SEMA6D: variants seen among roughly 807,000 people sequenced by gnomAD.
SEMA6D encodes the protein semaphorin-6D.
Under a neutral mutation model 106.6 loss-of-function variants are expected in SEMA6D, and 35 were observed. That is an observed-to-expected ratio of 0.33 (90% CI 0.25 to 0.44). The LOEUF (loss-of-function observed/expected upper bound fraction) is 0.44. SEMA6D is among the 20% of genes least tolerant of loss of function. The pLI, the probability that SEMA6D is intolerant of heterozygous loss-of-function variation, is 1.00. For synonymous variants in SEMA6D, 499 were observed against 487.7 expected, an observed-to-expected ratio of 1.02 and a Z score of -0.31; for missense variants, 1,185 against 1,345.9, an observed-to-expected ratio of 0.88 and a Z score of 1.87.
chr15:47,707,816 GCCAAC>G (rs2078941715), intron 4 of SEMA6D, among the ~76,000 whole-genome samples: 1 of 152,128 alleles, frequency 6.6e-6, no homozygotes, highest in Admixed American at 6.6e-5. Context: ...TGGACACCAT[GCCAAC>G]CCTTTAAACT....
At chr15:47,609,146 A>G (rs1157495531) in intron 4 of SEMA6D, among the ~76,000 whole-genome samples, 1 of 152,208 alleles carries the variant, frequency 6.6e-6, no homozygotes, top group African/African-American at 2.4e-5. Flanking sequence ...GTGCCATAAC[A>G]CGGATTGTGT....
intron 1 of SEMA6D, among the ~76,000 whole-genome samples, chr15:47,186,877 G>C (rs1893610734): frequency 1.3e-5 from 2 of 152,152 alleles, no homozygotes; most frequent in Non-Finnish European, 2.9e-5. Flanking sequence ...GCAAAGAACA[G>C]AACTTAATTA....
intron 1 of SEMA6D, among the ~76,000 whole-genome samples, chr15:47,343,296 T>G (rs2037901905): frequency 7.3e-6 from 1 of 137,184 alleles, no homozygotes; most frequent in Admixed American, 7.1e-5. Context: ...AGGGTACATA[T>G]GCACCATGTG....
intron 1 of SEMA6D, among the ~76,000 whole-genome samples, chr15:47,222,280 G>A (rs1329686555): frequency 1.3e-5 from 2 of 152,200 alleles, no homozygotes; most frequent in African/African-American, 4.8e-5. Context: ...CAGTCATGGA[G>A]CTATCTGGTC....
At chr15:47,317,531 C>T (rs992974006) in intron 1 of SEMA6D, among the ~76,000 whole-genome samples, 1 of 152,154 alleles carries the variant, frequency 6.6e-6, no homozygotes, top group African/African-American at 2.4e-5. Context: ...TTTAGCATTT[C>T]TTACAAGGCA....
At chr15:47,227,569 TCACACACACACACA>T (rs1555407289) in intron 1 of SEMA6D, among the ~76,000 whole-genome samples, 1 of 127,900 alleles carries the variant, frequency 7.8e-6, no homozygotes, top group Non-Finnish European at 1.6e-5. Context: ...TCTCTCTCTC[TCACACACACACACA>T]CACACACACA....
At chr15:47,482,338 G>A (rs1053704780) in intron 3 of SEMA6D, among the ~76,000 whole-genome samples, 5 of 152,078 alleles carry the variant, frequency 3.3e-5, no homozygotes, top group Non-Finnish European at 4.4e-5. Context: ...ATGAGCTGAT[G>A]AGGCATTAAT....
At chr15:47,291,860 C>A (rs192264428) in intron 1 of SEMA6D, among the ~76,000 whole-genome samples, 218 of 152,192 alleles carry the variant, frequency 1.4e-3, no homozygotes, top group African/African-American at 4.9e-3. Flanking sequence ...TTCTTTATTT[C>A]TCTGTCTCTG....
At chr15:47,306,747 C>A (rs1398558659) in intron 1 of SEMA6D, among the ~76,000 whole-genome samples, 1 of 152,186 alleles carries the variant, frequency 6.6e-6, no homozygotes, top group African/African-American at 2.4e-5. Context: ...TATATTGATA[C>A]AAATAAACAA....
chr15:47,283,250 A>G (rs1480370138), intron 1 of SEMA6D, among the ~76,000 whole-genome samples: 1 of 152,138 alleles, frequency 6.6e-6, no homozygotes, highest in Non-Finnish European at 1.5e-5. Flanking sequence ...ACCAGGCACA[A>G]TCAGCAGAAG....
At chr15:47,722,929 T>A (rs750804926) in intron 1 of SEMA6D, among the ~76,000 whole-genome samples, 15 of 152,090 alleles carry the variant, frequency 9.9e-5, no homozygotes, top group Non-Finnish European at 1.5e-4. Context: ...GTAAACAAAG[T>A]GAGGTGCTGA....
At chr15:47,346,400 T>A (rs1458600417) in intron 1 of SEMA6D, among the ~76,000 whole-genome samples, 2 of 152,122 alleles carry the variant, frequency 1.3e-5, no homozygotes, top group African/African-American at 4.8e-5. Flanking sequence ...CTTAATATCA[T>A]CTCTGGGCCA....
At chr15:47,749,081 T>C (rs75544070) in intron 1 of SEMA6D, among the ~76,000 whole-genome samples, 76 of 7,832 alleles carry the variant, frequency 9.7e-3, no homozygotes, top group Admixed American at 0.019. Context: ...TTTTTTTTTC[T>C]TTTTTTTTTT....
intron 4 of SEMA6D, among the ~76,000 whole-genome samples, chr15:47,660,234 T>C (rs2077890214): frequency 6.6e-6 from 1 of 151,812 alleles, no homozygotes; most frequent in Non-Finnish European, 1.5e-5. Flanking sequence ...AGTCACTTTG[T>C]ATGTGGTCAT....
At chr15:47,755,651 T>C (rs1055593728) in intron 1 of SEMA6D, among the ~76,000 whole-genome samples, 1 of 151,988 alleles carries the variant, frequency 6.6e-6, no homozygotes, top group Admixed American at 6.6e-5. Context: ...TTTTCTCCTC[T>C]TCTAGAGTGT....
rs75676332 is a variant in SEMA6D, at chr15:47,456,986, G to C, written c.-158-13488G>C. 3.3e-3 allele frequency among the ~76,000 whole-genome samples: 504 copies of C among 152,130 alleles called. 2 individuals are homozygous for C. The highest frequency in any genetic ancestry group is 0.012 in the African/African-American group (481 of 41,554). On this transcript the variant is annotated intron_variant, in intron 2 of 19. Coordinates refer to the SEMA6D transcript ENST00000558014. ...AGGAAACCACCCACATCTTGAGAAA[G>C]AACCAATAAAGAAGTGGGTGAAACA...
chr15:47,744,730 G>A (rs909627807), intron 1 of SEMA6D, among the ~76,000 whole-genome samples: 1 of 152,146 alleles, frequency 6.6e-6, no homozygotes, highest in Non-Finnish European at 1.5e-5. Flanking sequence ...GGCAGCGATC[G>A]CGCACTCTCC....
intron 3 of SEMA6D, among the ~76,000 whole-genome samples, chr15:47,558,036 A>G (rs1344552857): frequency 6.6e-6 from 1 of 152,096 alleles, no homozygotes; most frequent in Non-Finnish European, 1.5e-5. Flanking sequence ...GTGTAAAGCA[A>G]TCTCACCAGC....
chr15:47,247,502 T>C (rs2033271687), intron 1 of SEMA6D, among the ~76,000 whole-genome samples: 2 of 152,192 alleles, frequency 1.3e-5, no homozygotes, highest in Admixed American at 6.5e-5. Context: ...CAGAGTGTCA[T>C]TAAGTTTAAG....
Sources: gnomAD v4.1 joint callset for allele counts (sites outside exome capture counted in the v4.1 genomes callset) on GRCh38, gnomAD v4.1.1 for gene constraint, MANE v1.5 for transcripts, NCBI Gene and HGNC (gene_info 2026-07-23, HGNC 2026-07-21) for gene names.